SDHB: variants seen among roughly 807,000 people sequenced by gnomAD.
SDHB encodes succinate dehydrogenase complex iron sulfur subunit B.
In SDHB, 21 loss-of-function variants were observed where a neutral mutation model predicts 39.7. The observed-to-expected ratio is 0.53, with a 90% CI of 0.37 to 0.76. The LOEUF (loss-of-function observed/expected upper bound fraction) is 0.76, where lower values mean the gene tolerates loss of function less well. Ranked by LOEUF, SDHB falls within the 30% of genes least tolerant of loss-of-function variation. The pLI is 0.00. For missense variants in SDHB, 343 were observed against 350.9 expected (o/e 0.98, Z 0.18); for synonymous variants, 118 against 117.0 (o/e 1.01, Z -0.06).
chr1:17,038,779 A>C (rs951202220), intron 2 of SDHB, among the ~76,000 whole-genome samples: 6 of 152,224 alleles, frequency 3.9e-5, no homozygotes, highest in Non-Finnish European at 5.9e-5. Context: ...TATTCCTTTT[A>C]ATTCAAATTC....
At chr1:17,052,696 G>C (rs140214925) in intron 1 of SDHB, among the ~76,000 whole-genome samples, 2 of 152,268 alleles carry the variant, frequency 1.3e-5, no homozygotes, top group East Asian at 3.9e-4. Context: ...TTTCAGAAAG[G>C]CTGATGCAGA....
chr1:17,046,878 C>T (rs139542143), intron 1 of SDHB, among the ~76,000 whole-genome samples: 86 of 152,012 alleles, frequency 5.7e-4, no homozygotes, highest in African/African-American at 1.7e-3. Flanking sequence ...CTACCAGGCC[C>T]GGCTAATTTT....
chr1:17,034,041 A>G (rs1056098855), intron 2 of SDHB, among the ~76,000 whole-genome samples: 5 of 152,028 alleles, frequency 3.3e-5, no homozygotes, highest in South Asian at 2.1e-4. Flanking sequence ...CCACAAATCT[A>G]TTTTCTGGTT....
At position 17,033,013 on chromosome 1, in the gene SDHB, T is replaced by C. The variant is rs967572978; in HGVS notation, c.286+47A>G. ...TCAGCTTTGGCCAGCCCAAGCCTCT[T>C]TGGAAGACCACAAGTATCTGGAGCC... On this transcript the variant is annotated intron_variant, in intron 3 of 7. Coordinates refer to ENST00000375499, the MANE Select transcript of SDHB (RefSeq NM_003000.3). 3.4e-6 allele frequency: 5 copies of C among 1,480,958 alleles called. No individual in the cohort carries two copies. The South Asian group carries it at 4.5e-5, about 13-fold the overall frequency. 91.7% of individuals were successfully genotyped at this position (1,480,958 alleles called of 1,614,324 possible).
intron 5 of SDHB, 158 bp downstream of exon 5, chr1:17,027,591 C>T: frequency 1.5e-6 from 1 of 683,332 alleles, no homozygotes; most frequent in Non-Finnish European, 2.7e-6. Flanking sequence ...CACTACTCAC[C>T]CGGCCCTAAG....
At position 17,018,883 on chromosome 1, in the gene SDHB, A is replaced by C. The variant is rs1316826258; in HGVS notation, c.841T>G (p.Ter281GluextTer5). Reference sequence around the variant, plus strand: ...AATCATGTTTAGCATGGAAACAGTTAAACTGAAGCTTTCTTCTCCTTATAG... The same window carrying C: ...AATCATGTTTAGCATGGAAACAGTTCAACTGAAGCTTTCTTCTCCTTATAG... ...ATYKEKKASV[*>E] The change falls in exon 8 of 8, where the codon TAA (stop) becomes GAA (glutamate). Residue 281 changes from the stop codon to glutamate, a stop_lost. Transcript: ENST00000375499. 6.2e-7 allele frequency: 1 copy of C among 1,607,310 alleles called. No homozygotes were observed. Among genetic ancestry groups the C allele is most frequent in the South Asian group, 1.1e-5 (1 of 90,974 alleles).
intron 2 of SDHB, among the ~76,000 whole-genome samples, chr1:17,043,438 G>A (rs2078092403): frequency 6.6e-6 from 1 of 152,114 alleles, no homozygotes; most frequent in African/African-American, 2.4e-5. Flanking sequence ...GCACTTACTT[G>A]TCACCACAGA....
chr1:17,048,334 T>C (rs1338923033), intron 1 of SDHB, among the ~76,000 whole-genome samples: 2 of 152,250 alleles, frequency 1.3e-5, no homozygotes, highest in Non-Finnish European at 2.9e-5. Context: ...TTTCTTGTTA[T>C]AGCTGAGTAG....
intron 1 of SDHB, among the ~76,000 whole-genome samples, chr1:17,049,900 C>G (rs904430421): frequency 1.3e-5 from 2 of 151,900 alleles, no homozygotes; most frequent in African/African-American, 4.8e-5. Flanking sequence ...CTGCCTCAGC[C>G]TCCCAAAGTG....
rs948484408 is a variant in SDHB, at chr1:17,022,612, G to A, written c.761C>T (p.Pro254Leu). The change falls in exon 7 of 8, where the codon CCT becomes CTT. Residue 254 changes from proline (P) to leucine (L), a missense_variant. Physicochemically the swap from Pro to Leu is moderately conservative, Grantham distance 98. Transcript: ENST00000375499. ...HTIMNCTRTC[P>L]KGLNPGKAIA... The stretch of plus-strand genomic sequence containing the variant: ...AGGGTCACCAGCCCCACGTACCTTA[G>A]GACAGGTCCTTGTGCAGTTCATGAT... 6.2e-7 allele frequency: 1 copy of A among 1,613,912 alleles called. No homozygotes were observed. The highest frequency in any genetic ancestry group is 8.5e-7 in the Non-Finnish European group (1 of 1,179,842).
At chr1:17,029,093 G>GTTTTTTTTTTTT (rs746243819) in intron 3 of SDHB, among the ~76,000 whole-genome samples, 2 of 72,028 alleles carry the variant, frequency 2.8e-5, no homozygotes, top group Admixed American at 2.6e-4. Flanking sequence ...AAATCAGCCT[G>GTTTTTTTTTTTT]TTTTTTTTTT....
chr1:17,043,538 T>C (rs904375279), intron 2 of SDHB, among the ~76,000 whole-genome samples: 4 of 152,316 alleles, frequency 2.6e-5, no homozygotes, highest in Non-Finnish European at 2.9e-5. Context: ...AAAACACTTA[T>C]TCACTTACAC....
intron 5 of SDHB, among the ~76,000 whole-genome samples, chr1:17,024,315 A>C (rs943188435): frequency 4.7e-4 from 72 of 152,218 alleles, no homozygotes; most frequent in Admixed American, 3.3e-4. Flanking sequence ...CTTTCCCTTT[A>C]ATAAACAAGA....
intron 1 of SDHB, among the ~76,000 whole-genome samples, chr1:17,046,529 C>T (rs2078111053): frequency 6.6e-6 from 1 of 151,964 alleles, no homozygotes; most frequent in Non-Finnish European, 1.5e-5. Context: ...AACATAAGTC[C>T]CCTTTTCCTA....
intron 3 of SDHB, among the ~76,000 whole-genome samples, chr1:17,031,193 C>T (rs943884566): frequency 2.0e-5 from 3 of 151,906 alleles, no homozygotes; most frequent in Admixed American, 2.0e-4. Context: ...AGCAAATACT[C>T]CTAGAGTTCC....
At position 17,033,155 on chromosome 1, in the gene SDHB, A is replaced by G. The variant is rs761461907; in HGVS notation, c.201-10T>C. ...TACCATGGGGCCACATCTAACAAAG[A>G]AAAATATCCAGTGGTATTTATGTAA... On this transcript the variant is annotated splice_polypyrimidine_tract_variant and intron_variant, in intron 2 of 7. Transcript: ENST00000375499. The G allele has an allele frequency of 1.3e-6, 2 of 1,593,208 alleles. No homozygotes were observed. Among genetic ancestry groups the G allele is most frequent in the Admixed American group, 1.7e-5 (1 of 59,950 alleles).
Position 17,046,581 on chromosome 1 carries a change from A to T in SDHB, c.73-1693T>A, listed in dbSNP as rs183663669. ...AGCTATCATCACGAGTCTGCCTTTT[A>T]CAGAATTCATATAAATGGCATCATA... is the stretch of plus-strand genomic sequence containing the variant. On this transcript the variant is annotated intron_variant, in intron 1 of 7. Transcript: ENST00000375499. Among the ~76,000 whole-genome samples, 5 of 152,256 alleles carry T rather than the reference A, an allele frequency of 3.3e-5. No individual in the cohort carries two copies. In the East Asian group the frequency reaches 9.6e-4, roughly 29 times the overall value.
chr1:17,020,801 G>A (rs552647778), intron 7 of SDHB, among the ~76,000 whole-genome samples: 82 of 152,298 alleles, frequency 5.4e-4, no homozygotes, highest in Admixed American at 2.4e-3. Context: ...ACAGTCCTGG[G>A]GACAGGACCC....
At chr1:17,045,023 G>C in intron 1 of SDHB, 135 bp from the exon 2 acceptor site, 1 of 787,422 alleles carries the variant, frequency 1.3e-6, no homozygotes, top group Non-Finnish European at 2.1e-6. Context: ...AGAAAAGGCA[G>C]GCATTCAATA....
Sources: allele counts gnomAD v4.1 joint callset (sites outside exome capture counted in the v4.1 genomes callset), GRCh38; gene constraint gnomAD v4.1.1; transcripts MANE v1.5; gene names NCBI Gene and HGNC (gene_info 2026-07-23, HGNC 2026-07-21).